The following PDE4A variants were observed in gnomAD, a reference collection of about 807,000 sequenced individuals.
PDE4A encodes phosphodiesterase 4A.
A neutral mutation model predicts 73.9 loss-of-function variants in PDE4A; 21 were observed. That is an observed-to-expected ratio of 0.28 (90% CI 0.20 to 0.41). The LOEUF is 0.41. Ranked by LOEUF, PDE4A falls within the 10% of genes least tolerant of loss-of-function variation. The pLI, the probability that PDE4A is intolerant of heterozygous loss-of-function variation, is 1.00. For missense variants in PDE4A, 958 were observed against 1,211.4 expected (o/e 0.79, Z 3.10); for synonymous variants, 463 against 505.4 (o/e 0.92, Z 1.13).
chr19:10,439,669 G>A (rs996927198), intron 1 of PDE4A, among the ~76,000 whole-genome samples: 1 of 152,114 alleles, frequency 6.6e-6, no homozygotes, highest in Non-Finnish European at 1.5e-5. Flanking sequence ...TCTGTCTCTG[G>A]AACTCAAATC....
chr19:10,450,106 T>A (rs2043067765), intron 4 of PDE4A, among the ~76,000 whole-genome samples: 1 of 151,936 alleles, frequency 6.6e-6, no homozygotes, highest in Non-Finnish European at 1.5e-5. Context: ...AAAAAATAAA[T>A]AGATAAATAA....
intron 1 of PDE4A, among the ~76,000 whole-genome samples, chr19:10,433,901 T>C (rs1406064128): frequency 6.6e-6 from 1 of 151,740 alleles, no homozygotes; most frequent in African/African-American, 2.4e-5. Context: ...GGGAAGACAC[T>C]CGTCGCAGCT....
chr19:10,440,673 A>G (rs542823778), intron 1 of PDE4A, among the ~76,000 whole-genome samples: 2 of 152,298 alleles, frequency 1.3e-5, no homozygotes, highest in African/African-American at 4.8e-5. Context: ...ATCTCAGCTC[A>G]CTGCAACCTC....
chr19:10,418,997 A>G (rs1160743889), upstream of PDE4A: 4 of 977,338 alleles, frequency 4.1e-6, no homozygotes, highest in African/African-American at 7.2e-5. Context: ...GCGTTCGCCC[A>G]CGCCGGGAGC....
intron 1 of PDE4A, among the ~76,000 whole-genome samples, chr19:10,445,557 C>T (rs1169028367): frequency 6.6e-6 from 1 of 151,996 alleles, no homozygotes; most frequent in African/African-American, 2.4e-5. Context: ...CACATGAGGC[C>T]AGGTGTTTGA....
intron 10 of PDE4A, 51 bp downstream of exon 10, chr19:10,459,810 T>C: frequency 6.4e-7 from 1 of 1,551,504 alleles, no homozygotes; most frequent in East Asian, 2.3e-5. Context: ...TGTGACTGCC[T>C]CTTCAGCCTC....
Position 10,438,116 on chromosome 19 carries a change from CTTT to C in PDE4A, c.321-8089_321-8087del, listed in dbSNP as rs767841992. 6.9e-5 allele frequency among the ~76,000 whole-genome samples: 9 copies of C among 130,770 alleles called. No homozygotes were observed. The East Asian group carries it at 6.9e-4, about 10-fold the overall frequency. The allele number at this position is 130,770 out of a possible 152,430, so 85.8% of individuals were successfully genotyped here. A position where few individuals can be genotyped will look rare whatever the true frequency, so the allele number is the denominator to read the frequency against. ...GAGCCACTTCACCCAGCCTCCAAGA[CTTT>C]TTTTTTTTTTTTGAGACGGAGTCTC... On this transcript the variant is annotated intron_variant, in intron 1 of 14. Transcript: ENST00000380702.
intron 13 of PDE4A, 144 bp from the exon 14 acceptor site, chr19:10,463,649 C>T (rs58172634): frequency 0.18 from 252,950 of 1,421,114 alleles, 23,432 homozygotes; most frequent in Middle Eastern, 0.19. Context: ...GATCCACCCG[C>T]CTCAGCATCC....
At chr19:10,417,500 C>T (rs2042599287), upstream of PDE4A, 1 of 977,738 alleles carries the variant, frequency 1.0e-6, no homozygotes, top group African/African-American at 1.7e-5. Context: ...GATGGCAGGG[C>T]ACCCTCTGTG....
At chr19:10,461,255 C>T in intron 11 of PDE4A, 152 bp downstream of exon 11, 2 of 166,500 alleles carry the variant, frequency 1.2e-5, no homozygotes, top group Non-Finnish European at 1.7e-5. Context: ...GGAGGCGGGG[C>T]TGGGGGCGGG....
chr19:10,427,472 G>A (rs1346893145), intron 1 of PDE4A: 1 of 985,202 alleles, frequency 1.0e-6, no homozygotes, highest in Non-Finnish European at 1.2e-6. Context: ...AGGGAGCGAG[G>A]TGACAGGCAG....
At chr19:10,420,416 C>T, upstream of PDE4A, 1 of 945,384 alleles carries the variant, frequency 1.1e-6, no homozygotes, top group Non-Finnish European at 1.2e-6. The surrounding 1 kb of genome is among the most constrained non-coding windows in gnomAD (Gnocchi z 6.0). Context: ...CTGGCCCGGA[C>T]GGAGGAGGAG....
chr19:10,421,327 C>T (rs904854749), intron 1 of PDE4A: 36 of 985,168 alleles, frequency 3.7e-5, no homozygotes, highest in South Asian at 4.7e-5. Context: ...GTGGTGTTAA[C>T]GAGGTCTGGG....
At chr19:10,446,514 C>T (rs2145525383) in intron 2 of PDE4A, 105 bp downstream of exon 2, 2 of 1,355,280 alleles carry the variant, frequency 1.5e-6, no homozygotes, top group Middle Eastern at 1.9e-4. Flanking sequence ...TCCTCCTCAG[C>T]ACTCCCAACC....
chr19:10,429,359 C>T (rs986289770), intron 1 of PDE4A, among the ~76,000 whole-genome samples: 5 of 151,150 alleles, frequency 3.3e-5, no homozygotes, highest in Admixed American at 6.6e-5. Flanking sequence ...TCTTTTTTTT[C>T]GTGAGACAGG....
In PDE4A at chr19:10,461,813, C is replaced by A. The variant is rs142937157; in HGVS notation, c.1621-64C>A. 52 of 1,586,382 alleles carry A rather than the reference C, an allele frequency of 3.3e-5. No individual in the cohort carries two copies. The African/African-American group carries it at 5.2e-4, about 16-fold the overall frequency. The stretch of plus-strand genomic sequence containing the variant: ...GGCGGCTTCTACCTGGTGAAAACTT[C>A]AGAGGCCCGGGTCAGTCTGGGGGGC... On this transcript the variant is annotated intron_variant, in intron 12 of 14. Coordinates refer to ENST00000380702, the MANE Select transcript of PDE4A (RefSeq NM_001111307.2).
chr19:10,419,211 G>A (rs1465429609), upstream of PDE4A: 2 of 146,784 alleles, frequency 1.4e-5, no homozygotes, highest in Non-Finnish European at 2.7e-5. Context: ...TTTCGCGTTC[G>A]AGCTCTTATC....
intron 12 of PDE4A, 89 bp downstream of exon 12, chr19:10,461,769 C>T (rs2043277055): frequency 1.3e-6 from 2 of 1,585,688 alleles, no homozygotes; most frequent in African/African-American, 1.3e-5. Context: ...CCAGAGGAAC[C>T]CTCAACCTGG....
chr19:10,437,369 G>A (rs983648053), intron 1 of PDE4A, among the ~76,000 whole-genome samples: 2 of 151,896 alleles, frequency 1.3e-5, no homozygotes, highest in Non-Finnish European at 2.9e-5. Context: ...TGATCTGCCC[G>A]CCTTGGCCTC....
Sources: allele counts gnomAD v4.1 joint callset (sites outside exome capture counted in the v4.1 genomes callset), GRCh38; gene constraint gnomAD v4.1.1; non-coding constraint Gnocchi (gnomAD v3.1); transcripts MANE v1.5; gene names NCBI Gene and HGNC (gene_info 2026-07-23, HGNC 2026-07-21).